TUBB8: variants seen among roughly 807,000 people sequenced by gnomAD.
TUBB8 encodes tubulin beta-8 chain.
A neutral mutation model predicts 33.7 loss-of-function variants in TUBB8; 25 were observed. The ratio of observed to expected loss-of-function variants is 0.74; its 90% CI spans 0.54 to 1.04. The LOEUF is 1.04. Among genes scored for constraint, TUBB8 ranks in the 50% least tolerant of loss-of-function variants. TUBB8 has a pLI of 0.00. For synonymous variants in TUBB8, 245 were observed against 240.1 expected (o/e 1.02, Z -0.19); for missense variants, 279 against 608.0 (o/e 0.46, Z 5.69).
chr10:62,134 C>A (rs1210979776), intron 1 of TUBB8, among the ~76,000 whole-genome samples: 1 of 152,164 alleles, frequency 6.6e-6, no homozygotes, highest in African/African-American at 2.4e-5. Context: ...CCTTTTGTTA[C>A]TTGTTTTCTG....
chr10:74,817 G>T (rs1834788194), upstream of TUBB8, among the ~76,000 whole-genome samples: 1 of 151,702 alleles, frequency 6.6e-6, no homozygotes, highest in African/African-American at 2.4e-5. Flanking sequence ...CTTGAGCCCA[G>T]GAGTTCAAGA....
At chr10:52,307 T>G (rs1488736178), upstream of TUBB8, among the ~76,000 whole-genome samples, 4 of 152,084 alleles carry the variant, frequency 2.6e-5, no homozygotes, top group African/African-American at 9.7e-5. Context: ...TTCCTTGGAG[T>G]GGGGGTCTTG....
intron 1 of TUBB8, among the ~76,000 whole-genome samples, chr10:58,479 G>C (rs1403075244): frequency 6.6e-6 from 1 of 152,198 alleles, no homozygotes. Context: ...TTAAAAAGGA[G>C]GTTTAAGTGG....
chr10:54,810 G>A (rs1834508884), intron 1 of TUBB8, among the ~76,000 whole-genome samples: 2 of 152,222 alleles, frequency 1.3e-5, no homozygotes, highest in South Asian at 4.1e-4. Flanking sequence ...CCAGGCTGGA[G>A]TGCATTGGTA....
chr10:66,583 A>C (rs1315228208), intron 1 of TUBB8, among the ~76,000 whole-genome samples: 1 of 152,276 alleles, frequency 6.6e-6, no homozygotes, highest in Non-Finnish European at 1.5e-5. Context: ...CAGGAGGTTT[A>C]GGCTGCAATA....
At chr10:49,030 C>T (rs1231503194) in intron 1 of TUBB8, 118 bp from the exon 2 acceptor site, 3 of 1,152,780 alleles carry the variant, frequency 2.6e-6, no homozygotes, top group Non-Finnish European at 3.6e-6. Context: ...TCCCTGGGGT[C>T]CACCCCGGCC....
upstream of TUBB8, chr10:49,766 TAG>T (rs1406984425): frequency 5.6e-6 from 2 of 356,648 alleles, no homozygotes; most frequent in Admixed American, 3.8e-5. Flanking sequence ...CTATGGGTGT[TAG>T]AGACAGTCAG....
At chr10:68,358 A>T (rs1554741910) in intron 1 of TUBB8, among the ~76,000 whole-genome samples, 1 of 152,204 alleles carries the variant, frequency 6.6e-6, no homozygotes, top group Non-Finnish European at 1.5e-5. Flanking sequence ...TGATGCACAC[A>T]ATACAGATAT....
At position 59,059 on chromosome 10, in the gene TUBB8, G is replaced by A. The variant is rs184849954; in HGVS notation, c.-845-8826C>T. Among the ~76,000 whole-genome samples, 526 of 152,204 alleles carry A rather than the reference G, an allele frequency of 3.5e-3. 1 individual carries two copies. Among genetic ancestry groups the A allele is most frequent in the African/African-American group, 0.012 (498 of 41,506 alleles). On this transcript the variant is annotated intron_variant, in intron 1 of 3. Transcript: ENST00000564130. ...CCACTTGGTATGATACTAGCTGTGG[G>A]TCTGTCATATATGACTTTTATTATG... is the stretch of plus-strand genomic sequence containing the variant.
At chr10:67,291 G>C (rs184179010) in intron 1 of TUBB8, among the ~76,000 whole-genome samples, 401 of 152,298 alleles carry the variant, frequency 2.6e-3, no homozygotes, top group African/African-American at 9.4e-3. Context: ...AGATGGCTTT[G>C]TGTAGTACTG....
intron 1 of TUBB8, among the ~76,000 whole-genome samples, chr10:60,872 T>C (rs1183376076): frequency 6.6e-6 from 1 of 151,958 alleles, no homozygotes; most frequent in Non-Finnish European, 1.5e-5. Flanking sequence ...GTGGCACATA[T>C]ACACCATGGA....
Position 49,112 on chromosome 10 carries a change from C to T in TUBB8, c.57+70G>A, listed in dbSNP as rs571518881. The stretch of plus-strand genomic sequence containing the variant: ...GGCCGCAATGCATGGGCACCGCCCC[C>T]GCCACTGCCAACACCTTCCCCGGCC... On this transcript the variant is annotated intron_variant, in intron 1 of 3. Transcript: ENST00000568584. The T allele has an allele frequency of 1.4e-5, 20 of 1,477,624 alleles. No homozygotes were observed. In the African/African-American group the frequency reaches 1.4e-4, roughly 10 times the overall value. 91.5% of individuals were successfully genotyped at this position (1,477,624 alleles called of 1,614,324 possible). A position where few individuals can be genotyped will look rare whatever the true frequency, so the allele number is the denominator to read the frequency against.
At chr10:72,580 T>C (rs1323664914) in intron 1 of TUBB8, among the ~76,000 whole-genome samples, 2 of 147,118 alleles carry the variant, frequency 1.4e-5, no homozygotes, top group African/African-American at 5.1e-5. Context: ...GAGGCTTGGC[T>C]CAGTGGCTCA....
At chr10:72,281 G>A (rs148537598) in intron 1 of TUBB8, among the ~76,000 whole-genome samples, 4,155 of 150,532 alleles carry the variant, frequency 0.028, 50 homozygotes, top group Middle Eastern at 0.069. Context: ...GCAGCCAGGC[G>A]TGGTGGCTCA....
At chr10:62,591 T>C (rs1389845959) in intron 1 of TUBB8, among the ~76,000 whole-genome samples, 2 of 152,278 alleles carry the variant, frequency 1.3e-5, no homozygotes, top group Non-Finnish European at 2.9e-5. Context: ...TTGAGTTCTG[T>C]ACCTTCAGAT....
chr10:76,160 A>AC (rs1482133851), upstream of TUBB8, among the ~76,000 whole-genome samples: 4 of 148,518 alleles, frequency 2.7e-5, no homozygotes, highest in Non-Finnish European at 6.0e-5. Flanking sequence ...AAAAAAAAAA[A>AC]CACGAGCACC....
At chr10:71,231 C>T (rs1554742264) in intron 1 of TUBB8, among the ~76,000 whole-genome samples, 3 of 150,144 alleles carry the variant, frequency 2.0e-5, no homozygotes, top group Non-Finnish European at 3.0e-5. Context: ...AGGAGAATCG[C>T]TTGAGTCCAG....
At chr10:59,574 C>T (rs1554740622) in intron 1 of TUBB8, among the ~76,000 whole-genome samples, 1 of 152,192 alleles carries the variant, frequency 6.6e-6, no homozygotes. Flanking sequence ...TCCCCTTGGT[C>T]ATTATGAATT....
chr10:52,013 A>C (rs1197147821), upstream of TUBB8, among the ~76,000 whole-genome samples: 53 of 149,772 alleles, frequency 3.5e-4, no homozygotes, highest in African/African-American at 9.8e-4. Context: ...GTGAGGGACA[A>C]AGAGCACAAG....
Sources: allele counts gnomAD v4.1 joint callset (sites outside exome capture counted in the v4.1 genomes callset), GRCh38; gene constraint gnomAD v4.1.1; transcripts MANE v1.5; gene names NCBI Gene and HGNC (gene_info 2026-07-23, HGNC 2026-07-21).